The following ZNF454 variants were observed in gnomAD, a reference collection of about 807,000 sequenced individuals.
ZNF454 encodes zinc finger protein 454.
Under a neutral mutation model 48.2 loss-of-function variants are expected in ZNF454, and 30 were observed. That is an observed-to-expected ratio of 0.62 (90% CI 0.47 to 0.84). The LOEUF (loss-of-function observed/expected upper bound fraction) is 0.84, where lower values mean the gene tolerates loss of function less well. Ranked by LOEUF, ZNF454 falls within the 40% of genes least tolerant of loss-of-function variation. The probability of loss-of-function intolerance (pLI) is 0.00; values close to 1 mark genes in which losing one functional copy is unlikely to be tolerated. For synonymous variants in ZNF454, 204 were observed against 211.4 expected, an observed-to-expected ratio of 0.97 and a Z score of 0.30; for missense variants, 510 against 623.1, an observed-to-expected ratio of 0.82 and a Z score of 1.93.
chr5:178,971,264 AGGAGTCGGCGG>A (rs1760228965), downstream of ZNF454, among the ~76,000 whole-genome samples: 3 of 152,308 alleles, frequency 2.0e-5, no homozygotes, highest in East Asian at 5.8e-4. Flanking sequence ...GGCAGAAGAC[AGGAGTCGGCGG>A]GGAGTAGGGG....
chr5:178,959,915 TTTTC>T (rs1271739449), intron 4 of ZNF454, among the ~76,000 whole-genome samples: 1 of 150,384 alleles, frequency 6.6e-6, no homozygotes, highest in Non-Finnish European at 1.5e-5. Context: ...CCTTTTTTTC[TTTTC>T]TTTTCTTTTT....
the ZNF454 span, chr5:178,986,082 C>T: frequency 1.7e-5 from 26 of 1,563,328 alleles, 1 homozygote; most frequent in South Asian, 1.3e-4. Context: ...TGTAACGTTG[C>T]GGACAGTCCC....
chr5:178,968,593 G>C, downstream of ZNF454: 1 of 353,432 alleles, frequency 2.8e-6, no homozygotes. Flanking sequence ...CATGTCCTCA[G>C]AAGTTCATCT....
chr5:178,986,629 G>A, the ZNF454 span: 1 of 1,602,826 alleles, frequency 6.2e-7, no homozygotes, highest in Admixed American at 1.7e-5. Flanking sequence ...CCCGTCACAG[G>A]CCTCGCAGTG....
the ZNF454 span, among the ~76,000 whole-genome samples, chr5:178,974,228 G>A: frequency 6.6e-6 from 1 of 152,168 alleles, no homozygotes; most frequent in South Asian, 2.1e-4. Flanking sequence ...GCAGGTCATG[G>A]TTGGTCCTTC....
At chr5:178,968,116 C>CACACACAT (rs1484197801), downstream of ZNF454, among the ~76,000 whole-genome samples, 1,038 of 142,614 alleles carry the variant, frequency 7.3e-3, 8 homozygotes, top group African/African-American at 0.024. Context: ...CACACACACA[C>CACACACAT]ACACACACAC....
At chr5:178,980,075 A>C in the ZNF454 span, 1 of 154,422 alleles carries the variant, frequency 6.5e-6, no homozygotes, top group Non-Finnish European at 1.5e-5. The surrounding 1 kb of genome is among the most constrained non-coding windows in gnomAD (Gnocchi z 4.3). Flanking sequence ...TCAGAGGAGA[A>C]GCTTTTAAGT....
downstream of ZNF454, among the ~76,000 whole-genome samples, chr5:178,971,095 C>T (rs1278519038): frequency 2.6e-5 from 4 of 152,218 alleles, no homozygotes; most frequent in Non-Finnish European, 4.4e-5. Flanking sequence ...GAAACCGTTA[C>T]GTCCATCCTG....
the ZNF454 span, chr5:178,975,559 G>A: frequency 3.9e-6 from 1 of 256,134 alleles, no homozygotes; most frequent in East Asian, 1.0e-4. Flanking sequence ...AGTAGCCAGA[G>A]TGGTCCTTTT....
chr5:178,986,186 G>GA, the ZNF454 span: 2 of 1,614,030 alleles, frequency 1.2e-6, no homozygotes, highest in East Asian at 2.2e-5. Context: ...CTGATGAAGG[G>GA]AGGGGGTGTG....
the ZNF454 span, among the ~76,000 whole-genome samples, chr5:178,972,667 G>A: frequency 1.8e-4 from 28 of 152,298 alleles, no homozygotes; most frequent in South Asian, 1.5e-3. Context: ...CAGGCCCGAC[G>A]CAGCTGAGGC....
In ZNF454 at chr5:178,941,327, G is replaced by A. The variant is rs1759077744; in HGVS notation, c.-225G>A. 1 of 453,412 alleles carries A rather than the reference G, an allele frequency of 2.2e-6. No individual in the cohort carries two copies. Among genetic ancestry groups the A allele is most frequent in the African/African-American group, 2.0e-5 (1 of 50,064 alleles). 28.1% of individuals were successfully genotyped at this position (453,412 alleles called of 1,614,324 possible). A position where few individuals can be genotyped will look rare whatever the true frequency, so the allele number is the denominator to read the frequency against. On this transcript the variant is annotated 5_prime_UTR_variant, in exon 1 of 5. Transcript: ENST00000519564. The surrounding 1 kb of genome is among the most constrained non-coding windows in gnomAD (Gnocchi z 5.5). The stretch of plus-strand genomic sequence containing the variant: ...CAGGCACGGTGGTCAAAGCCGCAGA[G>A]GGAGAGCGGGAGCGGTCGTGAGGTC...
At chr5:178,984,445 C>G in the ZNF454 span, among the ~76,000 whole-genome samples, 2 of 152,214 alleles carry the variant, frequency 1.3e-5, no homozygotes, top group Non-Finnish European at 2.9e-5. Context: ...TGCAGCCCGT[C>G]ATGACGTGGT....
At chr5:178,981,601 T>A in the ZNF454 span, 1 of 1,396,118 alleles carries the variant, frequency 7.2e-7, no homozygotes, top group Non-Finnish European at 1.0e-6. The surrounding 1 kb of genome is among the most constrained non-coding windows in gnomAD (Gnocchi z 5.1). Flanking sequence ...AGCTTCCACC[T>A]CGAGGCAAGA....
intron 4 of ZNF454, among the ~76,000 whole-genome samples, chr5:178,954,266 A>G (rs879585599): frequency 2.0e-5 from 3 of 152,250 alleles, no homozygotes; most frequent in Admixed American, 2.0e-4. Flanking sequence ...CAGCTGGGCA[A>G]CAGAGTGAAA....
At chr5:178,973,977 A>G in the ZNF454 span, among the ~76,000 whole-genome samples, 931 of 152,248 alleles carry the variant, frequency 6.1e-3, 5 homozygotes, top group Non-Finnish European at 7.9e-3. Flanking sequence ...CCAGGGTCAT[A>G]GTTTAAACTT....
the ZNF454 span, among the ~76,000 whole-genome samples, chr5:178,984,570 C>G: frequency 6.6e-6 from 1 of 152,064 alleles, no homozygotes; most frequent in Non-Finnish European, 1.5e-5. Flanking sequence ...GGGAGGAGAG[C>G]TGGGGGTCCC....
At chr5:178,988,944 G>A in the ZNF454 span, 145 of 1,612,582 alleles carry the variant, frequency 9.0e-5, no homozygotes, top group Middle Eastern at 1.8e-4. The surrounding 1 kb of genome is among the most constrained non-coding windows in gnomAD (Gnocchi z 6.0). Flanking sequence ...CCATTGAAGC[G>A]GACAGCTCGA....
At chr5:178,986,267 G>C in the ZNF454 span, 4 of 1,614,156 alleles carry the variant, frequency 2.5e-6, no homozygotes, top group Non-Finnish European at 3.4e-6. Flanking sequence ...GAGTAGCTGA[G>C]GGTCGTGCCC....
Sources: gnomAD v4.1 joint callset for allele counts (sites outside exome capture counted in the v4.1 genomes callset) on GRCh38, gnomAD v4.1.1 for gene constraint, Gnocchi (gnomAD v3.1) non-coding constraint, MANE v1.5 for transcripts, NCBI Gene and HGNC (gene_info 2026-07-23, HGNC 2026-07-21) for gene names.